LUC7L2: variants seen among roughly 807,000 people sequenced by gnomAD.
LUC7L2 encodes LUC7 like 2, pre-mRNA splicing factor, also known as putative RNA-binding protein Luc7-like 2.
A neutral mutation model predicts 52.8 loss-of-function variants in LUC7L2; 25 were observed. That is an observed-to-expected ratio of 0.47 (90% CI 0.34 to 0.66). The LOEUF (loss-of-function observed/expected upper bound fraction) is 0.66. LUC7L2 is among the 30% of genes least tolerant of loss of function. LUC7L2 has a pLI of 0.01. For missense variants in LUC7L2, 328 were observed against 497.8 expected, an observed-to-expected ratio of 0.66 and a Z score of 3.25; for synonymous variants, 144 against 160.9, an observed-to-expected ratio of 0.89 and a Z score of 0.80.
intron 6 of LUC7L2, among the ~76,000 whole-genome samples, chr7:139,408,429 A>G (rs1795210287): frequency 6.6e-6 from 1 of 152,200 alleles, no homozygotes; most frequent in African/African-American, 2.4e-5. Context: ...CATATTAGAA[A>G]TCACAGGGCA....
chr7:139,395,344 T>G (rs2131267640), intron 2 of LUC7L2, among the ~76,000 whole-genome samples: 1 of 152,322 alleles, frequency 6.6e-6, no homozygotes, highest in South Asian at 2.1e-4. Context: ...CCTTTTAAAT[T>G]TGAATTTCTA....
chr7:139,366,691 T>A (rs1569369573), intron 1 of LUC7L2, among the ~76,000 whole-genome samples: 1 of 152,232 alleles, frequency 6.6e-6, no homozygotes, highest in African/African-American at 2.4e-5. Flanking sequence ...CATTTACCAT[T>A]TGACTCTAAC....
At chr7:139,388,005 T>A (rs1417809553) in intron 2 of LUC7L2, among the ~76,000 whole-genome samples, 2 of 152,174 alleles carry the variant, frequency 1.3e-5, no homozygotes, top group African/African-American at 4.8e-5. Context: ...GTTTACACTC[T>A]TTTCTTCTGC....
chr7:139,359,141 G>C (rs546020775), upstream of LUC7L2: 3 of 152,280 alleles, frequency 2.0e-5, no homozygotes, highest in Admixed American at 6.5e-5. Context: ...CCCCAGTCAC[G>C]GGCCGGGCTT....
At chr7:139,408,145 T>C (rs934262105) in intron 6 of LUC7L2, among the ~76,000 whole-genome samples, 5 of 152,302 alleles carry the variant, frequency 3.3e-5, no homozygotes, top group South Asian at 4.1e-4. Context: ...TAAAATAATA[T>C]AGAATCAGAA....
At chr7:139,409,536 T>G (rs75451538) in intron 6 of LUC7L2, 27 bp from the exon 7 acceptor site, 2 of 1,585,742 alleles carry the variant, frequency 1.3e-6, no homozygotes, top group African/African-American at 2.7e-5. Flanking sequence ...TCAGTAAATA[T>G]TCTCCTCATT....
Position 139,422,872 on chromosome 7 carries a change from G to A in LUC7L2, c.*532G>A. On this transcript the variant is annotated 3_prime_UTR_variant, in exon 10 of 10. Coordinates refer to ENST00000354926, the MANE Select transcript of LUC7L2 (RefSeq NM_016019.5). ...GAGCATTGATCCTGGAATGTGTGCT[G>A]GAGAAATTTAAAATACTGGGGTTTT... is the stretch of plus-strand genomic sequence containing the variant. 1 of 399,004 alleles carries A rather than the reference G, an allele frequency of 2.5e-6. No homozygotes were observed. Among genetic ancestry groups the A allele is most frequent in the Non-Finnish European group, 4.4e-6 (1 of 226,062 alleles). The allele number at this position is 399,004 out of a possible 1,614,324, so 24.7% of individuals were successfully genotyped here.
At chr7:139,414,895 A>AT (rs1239178921) in intron 8 of LUC7L2, among the ~76,000 whole-genome samples, 8 of 150,570 alleles carry the variant, frequency 5.3e-5, no homozygotes, top group South Asian at 4.2e-4. Flanking sequence ...ACATCTTTTA[A>AT]TTTTTTTTTG....
chr7:139,358,134 G>A (rs989163774), upstream of LUC7L2, among the ~76,000 whole-genome samples: 10 of 152,044 alleles, frequency 6.6e-5, no homozygotes, highest in Non-Finnish European at 1.3e-4. Flanking sequence ...CAGCCTCCGA[G>A]TAGCTGGGAT....
In LUC7L2 at chr7:139,359,944, G is replaced by A. The variant is rs924507019; in HGVS notation, c.-318G>A. ...CGAGCGGCGTCAGAGCTTGAGGGGG[G>A]GTTGACGGCTTCTGGCGGGTGGCGG... On this transcript the variant is annotated 5_prime_UTR_variant, in exon 1 of 10. Transcript: ENST00000354926. 5 of 422,898 alleles carry A rather than the reference G, an allele frequency of 1.2e-5. No individual in the cohort carries two copies. Among genetic ancestry groups the A allele is most frequent in the East Asian group, 7.1e-5 (2 of 28,116 alleles). 26.2% of individuals were successfully genotyped at this position (422,898 alleles called of 1,614,324 possible). A position where few individuals can be genotyped will look rare whatever the true frequency, so the allele number is the denominator to read the frequency against.
intron 1 of LUC7L2, among the ~76,000 whole-genome samples, chr7:139,348,813 T>C (rs1563250046): frequency 6.6e-6 from 1 of 152,144 alleles, no homozygotes; most frequent in Non-Finnish European, 1.5e-5. Context: ...TTCCTCCTTA[T>C]ATTAAATGGG....
chr7:139,414,637 A>AT lies in LUC7L2; in HGVS notation c.809+2059dup, dbSNP rs533155881. Among the ~76,000 whole-genome samples the AT allele has an allele frequency of 7.9e-5, 12 of 152,282 alleles. No individual in the cohort carries two copies. In the South Asian group the frequency reaches 2.5e-3, roughly 32 times the overall value. Reference sequence around the variant, plus strand: ...GTCATCCTGCCTGTAAGACCCTGATATTACTTCCTTTTGCTCACTTCATTC... The same window carrying AT: ...GTCATCCTGCCTGTAAGACCCTGATATTTACTTCCTTTTGCTCACTTCATTC... On this transcript the variant is annotated intron_variant, in intron 8 of 9. Coordinates refer to ENST00000354926, the MANE Select transcript of LUC7L2 (RefSeq NM_016019.5).
intron 1 of LUC7L2, among the ~76,000 whole-genome samples, chr7:139,342,176 G>A (rs767976799): frequency 6.2e-4 from 86 of 137,792 alleles, no homozygotes; most frequent in Admixed American, 1.9e-3. Flanking sequence ...GGAAGAATCA[G>A]ATGCACATGT....
intron 1 of LUC7L2, among the ~76,000 whole-genome samples, chr7:139,369,851 T>C (rs1585082836): frequency 2.0e-5 from 3 of 152,228 alleles, no homozygotes; most frequent in Admixed American, 1.3e-4. Context: ...TATAAACTTA[T>C]GGGACCATAT....
intron 5 of LUC7L2, among the ~76,000 whole-genome samples, chr7:139,406,803 TAATC>T (rs1160662523): frequency 3.3e-5 from 5 of 152,166 alleles, no homozygotes; most frequent in African/African-American, 1.2e-4. Context: ...TTTTCTTAAT[TAATC>T]TAGCTGGTCA....
chr7:139,394,379 A>T (rs1794574329), intron 2 of LUC7L2, among the ~76,000 whole-genome samples: 1 of 152,182 alleles, frequency 6.6e-6, no homozygotes, highest in African/African-American at 2.4e-5. Flanking sequence ...TGCCTTCCCC[A>T]AAAGGCTACT....
intron 6 of LUC7L2, 97 bp from the exon 7 acceptor site, chr7:139,409,466 T>G: frequency 7.2e-7 from 1 of 1,385,726 alleles, no homozygotes; most frequent in South Asian, 1.8e-5. Flanking sequence ...TTGACAGCAG[T>G]TGTACTGTAT....
chr7:139,387,933 A>T (rs1275949167), intron 2 of LUC7L2, among the ~76,000 whole-genome samples: 1 of 151,968 alleles, frequency 6.6e-6, no homozygotes, highest in Non-Finnish European at 1.5e-5. Flanking sequence ...CTCTTGTTTG[A>T]CCAAACTGAT....
chr7:139,398,270 TAACTTG>T (rs994770270), intron 2 of LUC7L2, among the ~76,000 whole-genome samples: 5 of 152,236 alleles, frequency 3.3e-5, no homozygotes, highest in African/African-American at 1.2e-4. Flanking sequence ...GGTTTAAAAT[TAACTTG>T]ATCTTTTTTG....
Sources: gnomAD v4.1 joint callset for allele counts (sites outside exome capture counted in the v4.1 genomes callset) on GRCh38, gnomAD v4.1.1 for gene constraint, MANE v1.5 for transcripts, NCBI Gene and HGNC (gene_info 2026-07-23, HGNC 2026-07-21) for gene names.